RGPD1: variants seen among roughly 807,000 people sequenced by gnomAD.
The protein encoded by RGPD1 is RANBP2 like and GRIP domain containing 1, also known as RANBP2-like and GRIP domain-containing protein 1.
Under a neutral mutation model 40.6 loss-of-function variants are expected in RGPD1, and 7 were observed. The observed-to-expected ratio is 0.17, with a 90% CI of 0.10 to 0.32. RGPD1 has a LOEUF of 0.32. Ranked by LOEUF, RGPD1 falls within the 10% of genes least tolerant of loss-of-function variation. The probability of loss-of-function intolerance (pLI) is 1.00; values close to 1 mark genes in which losing one functional copy is unlikely to be tolerated. For synonymous variants in RGPD1, 24 were observed against 167.0 expected (o/e 0.14, Z 6.60); for missense variants, 50 against 472.5 (o/e 0.11, Z 8.29).
intron 22 of RGPD1, among the ~76,000 whole-genome samples, chr2:87,009,101 C>T (rs1250817461): frequency 1.5e-4 from 21 of 137,842 alleles, no homozygotes; most frequent in Admixed American, 7.2e-5. Context: ...GTCAGGAGAT[C>T]GAGACCATCC....
At position 86,930,886 on chromosome 2, in the gene RGPD1, G is replaced by A. The variant is rs1678909548; in HGVS notation, c.72+16965G>A. 6.6e-5 allele frequency: 38 copies of A among 577,552 alleles called. No individual in the cohort carries two copies. The South Asian group carries it at 6.8e-4, about 10-fold the overall frequency. The allele number at this position is 577,552 out of a possible 1,614,324, so 35.8% of individuals were successfully genotyped here. A position where few individuals can be genotyped will look rare whatever the true frequency, so the allele number is the denominator to read the frequency against. ...CTGAGGCCACCATCACTCCGCGGCCGGAGCTTCCATCCCCAGAGCCCACAT... is the reference window on the plus strand; with the variant it reads ...CTGAGGCCACCATCACTCCGCGGCCAGAGCTTCCATCCCCAGAGCCCACAT... On this transcript the variant is annotated intron_variant, in intron 1 of 22. Transcript: ENST00000398193.
chr2:86,949,552 AGT>A (rs1176944344), intron 1 of RGPD1, among the ~76,000 whole-genome samples: 1 of 116,238 alleles, frequency 8.6e-6, no homozygotes, highest in East Asian at 2.6e-4. Flanking sequence ...TTACAGCCAC[AGT>A]GTGTGATAAG....
At chr2:86,940,701 T>C (rs1270752104), upstream of RGPD1, among the ~76,000 whole-genome samples, 1 of 152,146 alleles carries the variant, frequency 6.6e-6, no homozygotes, top group African/African-American at 2.4e-5. Flanking sequence ...GCTAAAGGGA[T>C]GTTCCCCCCT....
At chr2:86,930,658 T>G (rs1678877432) in intron 1 of RGPD1, 9 of 1,611,084 alleles carry the variant, frequency 5.6e-6, no homozygotes, top group African/African-American at 4.0e-5. Context: ...TAGGGCTGGT[T>G]GTTCACTCCT....
chr2:86,960,570 C>T lies in RGPD1; in HGVS notation c.779+2143C>T, dbSNP rs1211335490. Among the ~76,000 whole-genome samples, 3 of 127,222 alleles carry T rather than the reference C, an allele frequency of 2.4e-5. 1 individual carries two copies. The highest frequency in any genetic ancestry group is 4.8e-5 in the Non-Finnish European group (3 of 62,592). The allele number at this position is 127,222 out of a possible 152,430, so 83.5% of individuals were successfully genotyped here. On this transcript the variant is annotated intron_variant, in intron 6 of 22. Transcript: ENST00000641458. ...ATTTTTAGTAGAAACAGGGTTTCATCATGTTGGCCAGGATGGTCTCGATCT... is the reference window on the plus strand; with the variant it reads ...ATTTTTAGTAGAAACAGGGTTTCATTATGTTGGCCAGGATGGTCTCGATCT...
chr2:86,929,803 CT>C (rs1407600320), intron 1 of RGPD1, among the ~76,000 whole-genome samples: 1 of 143,610 alleles, frequency 7.0e-6, no homozygotes, highest in East Asian at 2.2e-4. Flanking sequence ...AATACTGCCC[CT>C]CTCCTCAGGG....
chr2:86,984,931 G>T, intron 19 of RGPD1, 83 bp downstream of exon 19: 1 of 30,650 alleles, frequency 3.3e-5, no homozygotes, highest in Non-Finnish European at 4.0e-5. Context: ...CAAGAGAGCA[G>T]TTCACTATTA....
intron 4 of RGPD1, among the ~76,000 whole-genome samples, chr2:86,954,397 T>C (rs1346883041): frequency 2.8e-4 from 1 of 3,564 alleles, no homozygotes; most frequent in Admixed American, 2.4e-3. Flanking sequence ...TTGAAATAAT[T>C]ATAGATTTTT....
At chr2:86,960,727 C>T (rs1287926962) in intron 6 of RGPD1, among the ~76,000 whole-genome samples, 2 of 89,892 alleles carry the variant, frequency 2.2e-5, no homozygotes, top group South Asian at 3.3e-4. Flanking sequence ...GTAGCTGGGC[C>T]TACAGGTGCC....
rs1297132729 is a variant in RGPD1, at chr2:86,914,590, G to A, written c.72+669G>A. Among the ~76,000 whole-genome samples, 5 of 72,004 alleles carry A rather than the reference G, an allele frequency of 6.9e-5. No individual in the cohort carries two copies. The East Asian group carries it at 1.7e-3, about 24-fold the overall frequency. 47.2% of individuals were successfully genotyped at this position (72,004 alleles called of 152,430 possible). On this transcript the variant is annotated intron_variant, in intron 1 of 22. Coordinates refer to the RGPD1 transcript ENST00000398193. ...GGCGGCGGCCTCGGCCTCGGCCTCG[G>A]CCTTGGCCTCGACCTGGCCGGGCGG... is the stretch of plus-strand genomic sequence containing the variant.
chr2:86,926,120 G>A (rs1678479431), intron 1 of RGPD1, among the ~76,000 whole-genome samples: 1 of 152,296 alleles, frequency 6.6e-6, no homozygotes, highest in Non-Finnish European at 1.5e-5. Context: ...AGACATAGAG[G>A]GGAAAGAGTT....
chr2:86,932,286 CTT>C (rs1226662945), intron 1 of RGPD1, among the ~76,000 whole-genome samples: 1 of 84,526 alleles, frequency 1.2e-5, no homozygotes, highest in African/African-American at 4.6e-5. Context: ...TTACGTGACA[CTT>C]GTCTAAATCT....
At chr2:86,918,040 A>G (rs1371187125) in intron 1 of RGPD1, among the ~76,000 whole-genome samples, 1 of 146,494 alleles carries the variant, frequency 6.8e-6, no homozygotes, top group Non-Finnish European at 1.5e-5. Context: ...CTATGACTAG[A>G]CTGCATCTTC....
chr2:86,993,061 CTT>C (rs1316439629), intron 20 of RGPD1, among the ~76,000 whole-genome samples: 2 of 141,936 alleles, frequency 1.4e-5, no homozygotes, highest in Admixed American at 1.4e-4. Context: ...TTCCTCTACT[CTT>C]ATCATTTGAT....
At chr2:86,940,621 A>C (rs1679666543), upstream of RGPD1, among the ~76,000 whole-genome samples, 1 of 148,428 alleles carries the variant, frequency 6.7e-6, no homozygotes, top group African/African-American at 2.5e-5. Context: ...TAGAGATAGG[A>C]ATCTCATTCT....
intron 1 of RGPD1, 93 bp downstream of exon 1, chr2:86,942,401 G>C: frequency 7.7e-7 from 1 of 1,306,116 alleles, no homozygotes; most frequent in Non-Finnish European, 9.9e-7. Flanking sequence ...CCGGGCGGCG[G>C]CCTCGATGGC....
chr2:87,000,623 A>G (rs1467566058), intron 22 of RGPD1, among the ~76,000 whole-genome samples: 1 of 91,914 alleles, frequency 1.1e-5, no homozygotes, highest in African/African-American at 5.0e-5. Flanking sequence ...ATGGTTTAGC[A>G]GCAGATTTAG....
rs369318836 is a variant in RGPD1 at position 87,007,999 on chromosome 2, C to T, written c.5237-4514C>T. On this transcript the variant is annotated intron_variant, in intron 22 of 22. Coordinates refer to ENST00000641458, the MANE Select transcript of RGPD1 (RefSeq NM_001382344.1). ...TGTGGTGCCAAATATATGTTAACTA[C>T]AAGGAATAACAGTGACCTTACACTG... Among the ~76,000 whole-genome samples the T allele has an allele frequency of 9.0e-3, 764 of 84,736 alleles. 109 individuals are homozygous for T. The highest frequency in any genetic ancestry group is 0.076 in the South Asian group (202 of 2,670). 55.6% of individuals were successfully genotyped at this position (84,736 alleles called of 152,430 possible).
At position 86,914,476 on chromosome 2, in the gene RGPD1, C is replaced by G. The variant is rs1426740784; in HGVS notation, c.72+555C>G. ...CGGCGGCGGCGGCGGCGGCGGCGGC[C>G]TCGGCCTCGGCCTGGCCGGGCTGCG... On this transcript the variant is annotated intron_variant, in intron 1 of 22. Coordinates refer to the RGPD1 transcript ENST00000398193. Among the ~76,000 whole-genome samples the G allele has an allele frequency of 5.6e-3, 20 of 3,558 alleles. 3 individuals are homozygous for G. The highest frequency in any genetic ancestry group is 0.01 in the African/African-American group (2 of 196). 2.3% of individuals were successfully genotyped at this position (3,558 alleles called of 152,430 possible). A position where few individuals can be genotyped will look rare whatever the true frequency, so the allele number is the denominator to read the frequency against.
Sources: allele counts gnomAD v4.1 joint callset (sites outside exome capture counted in the v4.1 genomes callset), GRCh38; gene constraint gnomAD v4.1.1; transcripts MANE v1.5; gene names NCBI Gene and HGNC (gene_info 2026-07-23, HGNC 2026-07-21).